The following HCRTR2 variants were observed in gnomAD, a reference collection of about 807,000 sequenced individuals.
HCRTR2 encodes hypocretin receptor 2.
A neutral mutation model predicts 49.0 loss-of-function variants in HCRTR2; 22 were observed. That is an observed-to-expected ratio of 0.45 (90% CI 0.32 to 0.64). The LOEUF is 0.64. Ranked by LOEUF, HCRTR2 falls within the 30% of genes least tolerant of loss-of-function variation. HCRTR2 has a pLI of 0.04. For missense variants in HCRTR2, 491 were observed against 559.4 expected, an observed-to-expected ratio of 0.88 and a Z score of 1.23; for synonymous variants, 236 against 205.3, an observed-to-expected ratio of 1.15 and a Z score of -1.28.
intron 1 of HCRTR2, among the ~76,000 whole-genome samples, chr6:55,185,883 C>T (rs1765209760): frequency 6.6e-6 from 1 of 152,136 alleles, no homozygotes; most frequent in Non-Finnish European, 1.5e-5. Context: ...CAATGTTTCC[C>T]TAAGCAATAT....
chr6:55,195,569 C>CA (rs1765394169), intron 1 of HCRTR2, among the ~76,000 whole-genome samples: 1 of 152,126 alleles, frequency 6.6e-6, no homozygotes, highest in South Asian at 2.1e-4. Flanking sequence ...CAAAATAACT[C>CA]AAAGAGTAGA....
Position 55,224,189 on chromosome 6 carries a change from C to T in HCRTR2, c.224-24450C>T, listed in dbSNP as rs1303094055. Among the ~76,000 whole-genome samples, 3 of 152,256 alleles carry T rather than the reference C, an allele frequency of 2.0e-5. No homozygotes were observed. The South Asian group carries it at 6.2e-4, about 32-fold the overall frequency. On this transcript the variant is annotated intron_variant, in intron 1 of 6. Transcript: ENST00000370862. ...AAATTAAATAGGACTACCATATGGT[C>T]TAGCAATCACACTTCTGGGTATATA...
At chr6:55,126,713 G>C (rs558396932) in intron 1 of HCRTR2, among the ~76,000 whole-genome samples, 1 of 80,248 alleles carries the variant, frequency 1.2e-5, no homozygotes, top group East Asian at 2.4e-4. Flanking sequence ...GTCCCAGGGA[G>C]ATGGCGTTTT....
intron 1 of HCRTR2, among the ~76,000 whole-genome samples, chr6:55,126,082 G>T (rs1193100485): frequency 6.6e-6 from 1 of 152,104 alleles, no homozygotes; most frequent in Non-Finnish European, 1.5e-5. Flanking sequence ...GCTTAGAGGA[G>T]TTTGTTATTA....
chr6:55,159,870 C>T (rs1581800072), intron 1 of HCRTR2, among the ~76,000 whole-genome samples: 1 of 152,118 alleles, frequency 6.6e-6, no homozygotes, highest in Non-Finnish European at 1.5e-5. Flanking sequence ...GATTAGTGTA[C>T]CTGAAAGTGA....
intron 1 of HCRTR2, among the ~76,000 whole-genome samples, chr6:55,137,912 C>A (rs1357033574): frequency 6.6e-6 from 1 of 152,156 alleles, no homozygotes; most frequent in African/African-American, 2.4e-5. Context: ...ACACAGGAAC[C>A]ACCATCTGAC....
At chr6:55,189,457 A>G (rs1257557832) in intron 1 of HCRTR2, among the ~76,000 whole-genome samples, 3 of 152,250 alleles carry the variant, frequency 2.0e-5, no homozygotes, top group African/African-American at 7.2e-5. Flanking sequence ...AGAAATTTAT[A>G]GGAACAGAAA....
In HCRTR2 at chr6:55,277,568, T is replaced by C; in HGVS notation, c.951T>C (p.Tyr317=). The change falls in exon 5 of 7, where the codon TAT becomes TAC. Residue 317 remains tyrosine (Y), a synonymous_variant. Transcript: ENST00000370862. The part of the protein sequence containing the change: ...MIVLLVFAIC[Y]LPISILNVLK... ...TGCTTTTGGTATTTGCAATTTGCTA[T>C]CTACCAATTAGCATCCTCAATGTGC... 2 of 1,613,656 alleles carry C rather than the reference T, an allele frequency of 1.2e-6. No individual in the cohort carries two copies. The highest frequency in any genetic ancestry group is 8.5e-7 in the Non-Finnish European group (1 of 1,179,580).
chr6:55,126,388 A>C (rs1764276814), intron 1 of HCRTR2, among the ~76,000 whole-genome samples: 1 of 152,134 alleles, frequency 6.6e-6, no homozygotes, highest in South Asian at 2.1e-4. Flanking sequence ...ACTTTGCTGG[A>C]GGTCCACTCC....
intron 1 of HCRTR2, among the ~76,000 whole-genome samples, chr6:55,123,610 G>A (rs1764232178): frequency 6.6e-6 from 1 of 152,036 alleles, no homozygotes; most frequent in Admixed American, 6.6e-5. Flanking sequence ...GTCTCTGCCA[G>A]GTTTTGCTAT....
At chr6:55,130,784 A>G (rs1320173313) in intron 1 of HCRTR2, among the ~76,000 whole-genome samples, 1 of 151,876 alleles carries the variant, frequency 6.6e-6, no homozygotes, top group African/African-American at 2.4e-5. Flanking sequence ...TGCATTATTA[A>G]TATCCCACCC....
At chr6:55,194,983 A>T (rs1179117640) in intron 1 of HCRTR2, among the ~76,000 whole-genome samples, 2 of 152,144 alleles carry the variant, frequency 1.3e-5, no homozygotes, top group Non-Finnish European at 2.9e-5. Flanking sequence ...ATATTTAGAA[A>T]CCAATAATAC....
chr6:55,279,697 T>A (rs9464217), intron 5 of HCRTR2, among the ~76,000 whole-genome samples: 3,224 of 152,118 alleles, frequency 0.021, 103 homozygotes, highest in African/African-American at 0.073. Context: ...ATGGAGAAAA[T>A]TTTTTAATAG....
chr6:55,107,147 G>T (rs1352244375), intron 1 of HCRTR2, among the ~76,000 whole-genome samples: 2 of 150,392 alleles, frequency 1.3e-5, no homozygotes, highest in East Asian at 2.0e-4. Flanking sequence ...GTTTGTAGGT[G>T]CAAAATATTT....
intron 1 of HCRTR2, among the ~76,000 whole-genome samples, chr6:55,113,461 T>C (rs898661127): frequency 6.6e-6 from 1 of 151,764 alleles, no homozygotes; most frequent in African/African-American, 2.4e-5. Context: ...CATCCAAAAG[T>C]GGGCTAAGGA....
At chr6:55,141,668 T>C (rs1331645663) in intron 1 of HCRTR2, among the ~76,000 whole-genome samples, 1 of 152,178 alleles carries the variant, frequency 6.6e-6, no homozygotes, top group Non-Finnish European at 1.5e-5. Context: ...ACCCAGCTGT[T>C]GGATGTTCAA....
chr6:55,148,664 T>C lies in HCRTR2; in HGVS notation c.-377-25547T>C, dbSNP rs543176575. Among the ~76,000 whole-genome samples, 248 of 152,254 alleles carry C rather than the reference T, an allele frequency of 1.6e-3. 1 individual carries two copies. The highest frequency in any genetic ancestry group is 9.9e-4 in the Non-Finnish European group (67 of 67,994). On this transcript the variant is annotated intron_variant, in intron 1 of 7. Transcript: ENST00000615358. ...GTTTTAGTTAATGGGAGTATCTTATTATGGCTAGAAAATACTGTATCTCTG... is the reference window on the plus strand; with the variant it reads ...GTTTTAGTTAATGGGAGTATCTTATCATGGCTAGAAAATACTGTATCTCTG...
intron 1 of HCRTR2, among the ~76,000 whole-genome samples, chr6:55,179,250 A>T (rs1029639635): frequency 2.0e-5 from 3 of 152,124 alleles, no homozygotes; most frequent in African/African-American, 7.2e-5. Flanking sequence ...CTACACAGGA[A>T]GCAAAAAGGG....
intron 1 of HCRTR2, among the ~76,000 whole-genome samples, chr6:55,230,933 C>T (rs1268525861): frequency 2.6e-5 from 4 of 151,698 alleles, no homozygotes; most frequent in African/African-American, 4.8e-5. Context: ...TTGGGGGCTG[C>T]GAGGAGGCAG....
Sources: allele counts gnomAD v4.1 joint callset (sites outside exome capture counted in the v4.1 genomes callset), GRCh38; gene constraint gnomAD v4.1.1; transcripts MANE v1.5; gene names NCBI Gene and HGNC (gene_info 2026-07-23, HGNC 2026-07-21).